The following RCBTB1 variants were observed in gnomAD, a reference collection of about 807,000 sequenced individuals.
RCBTB1 encodes the protein RCC1 and BTB domain-containing protein 1.
RCBTB1 carries 46 observed loss-of-function variants against 62.4 expected under a neutral mutation model. The ratio of observed to expected loss-of-function variants is 0.74; its 90% confidence interval spans 0.58 to 0.94. RCBTB1 has a LOEUF of 0.94. Among genes scored for constraint, RCBTB1 ranks in the 40% least tolerant of loss-of-function variants. The pLI, the probability that RCBTB1 is intolerant of heterozygous loss-of-function variation, is 0.00. For missense variants in RCBTB1, 565 were observed against 654.9 expected (o/e 0.86, Z 1.50); for synonymous variants, 222 against 245.8 (o/e 0.90, Z 0.91).
intron 2 of RCBTB1, among the ~76,000 whole-genome samples, chr13:49,579,241 A>G (rs765377479): frequency 3.3e-5 from 5 of 152,230 alleles, no homozygotes; most frequent in Non-Finnish European, 7.3e-5. Context: ...AAAGTTTCGA[A>G]GATGTGCTGA....
At chr13:49,543,912 C>T (rs1348486296) in intron 10 of RCBTB1, among the ~76,000 whole-genome samples, 1 of 152,142 alleles carries the variant, frequency 6.6e-6, no homozygotes, top group Non-Finnish European at 1.5e-5. Context: ...GTCTCAGACT[C>T]CTAGGATCAA....
At chr13:49,541,343 G>A (rs759059131) in intron 11 of RCBTB1, among the ~76,000 whole-genome samples, 30 of 151,940 alleles carry the variant, frequency 2.0e-4, no homozygotes, top group Non-Finnish European at 4.4e-5. Context: ...CCTAGGTGAT[G>A]GGTTGACAGG....
rs1977353 is a variant in RCBTB1 at position 49,542,002 on chromosome 13, A to G, written c.1173-175T>C. ...AGGCCAAGCGGGTAGATCACCTGAG[A>G]TCAGGAGTTCGAGACCAGCCTGACC... On this transcript the variant is annotated intron_variant, in intron 10 of 12. Coordinates refer to ENST00000378302, the MANE Select transcript of RCBTB1 (RefSeq NM_018191.4). 0.83 allele frequency among the ~76,000 whole-genome samples: 126,267 copies of G among 152,076 alleles called. 52,527 individuals carry two copies. Among genetic ancestry groups the G allele is most frequent in the East Asian group, 0.9 (4,636 of 5,178 alleles).
At chr13:49,543,521 T>C (rs1423024581) in intron 10 of RCBTB1, among the ~76,000 whole-genome samples, 1 of 152,202 alleles carries the variant, frequency 6.6e-6, no homozygotes, top group Non-Finnish European at 1.5e-5. Flanking sequence ...GCTTTTCTGT[T>C]CCTTTCAAAT....
chr13:49,534,662 A>G (rs559266568), intron 12 of RCBTB1, among the ~76,000 whole-genome samples: 4 of 152,350 alleles, frequency 2.6e-5, no homozygotes, highest in African/African-American at 4.8e-5. Context: ...GACATCAGAG[A>G]AAAGAATTAA....
intron 12 of RCBTB1, among the ~76,000 whole-genome samples, chr13:49,538,498 C>T (rs562088549): frequency 3.3e-5 from 5 of 152,202 alleles, no homozygotes; most frequent in African/African-American, 1.2e-4. Context: ...GACACTTGAG[C>T]CCAGAAGTTC....
intron 11 of RCBTB1, 51 bp downstream of exon 11, chr13:49,541,625 G>A: frequency 6.7e-7 from 1 of 1,500,232 alleles, no homozygotes; most frequent in Non-Finnish European, 9.0e-7. Flanking sequence ...AGAATATGAG[G>A]GGATATATTC....
chr13:49,555,145 C>T (rs9316458), intron 6 of RCBTB1, among the ~76,000 whole-genome samples: 5,141 of 152,260 alleles, frequency 0.034, 151 homozygotes, highest in East Asian at 0.1. Flanking sequence ...TCTACAAGGA[C>T]TTCATCAGTT....
At chr13:49,549,228 AT>A (rs1425696998) in intron 9 of RCBTB1, among the ~76,000 whole-genome samples, 1 of 151,742 alleles carries the variant, frequency 6.6e-6, no homozygotes, top group African/African-American at 2.4e-5. Flanking sequence ...TGTTATGCGA[AT>A]TTGATATCAA....
intron 6 of RCBTB1, among the ~76,000 whole-genome samples, chr13:49,554,744 G>C (rs1961701851): frequency 6.6e-6 from 1 of 152,302 alleles, no homozygotes; most frequent in South Asian, 2.1e-4. Context: ...TTGATGATCT[G>C]AGGTGGAACA....
rs1962315212 is a variant in RCBTB1, at chr13:49,560,090, C to T, written c.278-6G>A. ...CCAGGCATAAACCACTCCATCTGTGCACACAAAGCACACAAAAAATCAGCT... is the reference window on the plus strand; with the variant it reads ...CCAGGCATAAACCACTCCATCTGTGTACACAAAGCACACAAAAAATCAGCT... On this transcript the variant is annotated splice_polypyrimidine_tract_variant and splice_region_variant and intron_variant, in intron 4 of 12. Transcript: ENST00000378302. 2 of 1,605,662 alleles carry T rather than the reference C, an allele frequency of 1.2e-6. No individual in the cohort carries two copies. Among genetic ancestry groups the T allele is most frequent in the Non-Finnish European group, 8.5e-7 (1 of 1,177,278 alleles).
At chr13:49,578,867 G>A (rs1344906264) in intron 2 of RCBTB1, among the ~76,000 whole-genome samples, 3 of 152,002 alleles carry the variant, frequency 2.0e-5, no homozygotes, top group Non-Finnish European at 2.9e-5. Context: ...AAGATTGAAG[G>A]GTATGACAAT....
intron 8 of RCBTB1, chr13:49,549,971 G>T: frequency 1.1e-6 from 1 of 873,856 alleles, no homozygotes; most frequent in Non-Finnish European, 1.4e-6. Context: ...TAACAAATGT[G>T]ATGGCTTAAA....
chr13:49,566,275 T>TA lies in RCBTB1; in HGVS notation c.277+342dup, dbSNP rs1237012455. Among the ~76,000 whole-genome samples the TA allele has an allele frequency of 6.0e-4, 76 of 125,826 alleles. No individual in the cohort carries two copies. The South Asian group carries it at 0.015, about 25-fold the overall frequency. 82.5% of individuals were successfully genotyped at this position (125,826 alleles called of 152,430 possible). A position where few individuals can be genotyped will look rare whatever the true frequency, so the allele number is the denominator to read the frequency against. On this transcript the variant is annotated intron_variant, in intron 4 of 12. Coordinates refer to ENST00000378302, the MANE Select transcript of RCBTB1 (RefSeq NM_018191.4). The stretch of plus-strand genomic sequence containing the variant: ...TGATCAATAAAAAAATAAAATAAAA[T>TA]AAATAAATAAATAAATAAATAAATA...
At chr13:49,559,862 G>C in intron 5 of RCBTB1, 56 bp downstream of exon 5, 1 of 1,507,276 alleles carries the variant, frequency 6.6e-7, no homozygotes, top group Non-Finnish European at 9.0e-7. Flanking sequence ...TTTATGTTAA[G>C]TGTATTTACT....
rs1962283909 is a variant in RCBTB1 at position 49,559,820 on chromosome 13, C to T, written c.444+98G>A. 2.7e-6 allele frequency: 3 copies of T among 1,116,692 alleles called. No individual in the cohort carries two copies. The Admixed American group carries it at 7.0e-5, about 26-fold the overall frequency. 69.2% of individuals were successfully genotyped at this position (1,116,692 alleles called of 1,614,324 possible). ...GGTGAACATACTTAACACCACTGAA[C>T]TATACACTTAAAACTGGTGAAGCTG... On this transcript the variant is annotated intron_variant, in intron 5 of 12. Coordinates refer to ENST00000378302, the MANE Select transcript of RCBTB1 (RefSeq NM_018191.4).
chr13:49,573,366 G>A (rs763840738), intron 2 of RCBTB1, among the ~76,000 whole-genome samples: 7 of 151,048 alleles, frequency 4.6e-5, no homozygotes, highest in African/African-American at 7.3e-5. Flanking sequence ...GTTTGTTTTC[G>A]TCAGCAGGGT....
intron 12 of RCBTB1, among the ~76,000 whole-genome samples, chr13:49,538,234 T>TC (rs1017313082): frequency 6.6e-6 from 1 of 151,984 alleles, no homozygotes; most frequent in Non-Finnish European, 1.5e-5. Context: ...CCTCAAGCAA[T>TC]CCTCCCACTT....
intron 9 of RCBTB1, among the ~76,000 whole-genome samples, 159 bp downstream of exon 9, chr13:49,549,299 T>C (rs992997767): frequency 6.6e-6 from 1 of 152,058 alleles, no homozygotes; most frequent in African/African-American, 2.4e-5. Context: ...TTATAATATA[T>C]GAATACATTT....
Sources: allele counts gnomAD v4.1 joint callset (sites outside exome capture counted in the v4.1 genomes callset), GRCh38; gene constraint gnomAD v4.1.1; transcripts MANE v1.5; gene names NCBI Gene and HGNC (gene_info 2026-07-23, HGNC 2026-07-21).